The following RASGRP3 variants were observed in gnomAD, a reference collection of about 807,000 sequenced individuals.
The protein encoded by RASGRP3 is RAS guanyl releasing protein 3.
A neutral mutation model predicts 82.7 loss-of-function variants in RASGRP3; 54 were observed. That is an observed-to-expected ratio of 0.65 (90% CI 0.52 to 0.82). The LOEUF (loss-of-function observed/expected upper bound fraction) is 0.82, where lower values mean the gene tolerates loss of function less well. RASGRP3 is among the 40% of genes least tolerant of loss of function. The pLI is 0.00. For synonymous variants in RASGRP3, 309 were observed against 300.5 expected (o/e 1.03, Z -0.29); for missense variants, 861 against 828.9 (o/e 1.04, Z -0.48).
In RASGRP3 at chr2:33,518,814, G is replaced by C. The variant is rs540658982; in HGVS notation, c.174-1138G>C. Among the ~76,000 whole-genome samples, 16 of 152,002 alleles carry C rather than the reference G, an allele frequency of 1.1e-4. No individual in the cohort carries two copies. The South Asian group carries it at 3.3e-3, about 32-fold the overall frequency. ...CAGGCTCAGGATCATCAATATCACTGTCTTCCACCTCTATCTCTTGTTCCC... is the reference window on the plus strand; with the variant it reads ...CAGGCTCAGGATCATCAATATCACTCTCTTCCACCTCTATCTCTTGTTCCC... On this transcript the variant is annotated intron_variant, in intron 4 of 17. Transcript: ENST00000403687.
rs776614427 is a variant in RASGRP3 at position 33,562,257 on chromosome 2, A to ATC, written c.2065-462_2065-461dup. 3.5e-3 allele frequency among the ~76,000 whole-genome samples: 500 copies of ATC among 142,230 alleles called. 3 individuals are homozygous for ATC. Among genetic ancestry groups the ATC allele is most frequent in the Non-Finnish European group, 5.4e-3 (358 of 66,194 alleles). The allele number at this position is 142,230 out of a possible 152,430, so 93.3% of individuals were successfully genotyped here. On this transcript the variant is annotated intron_variant, in intron 17 of 17. Transcript: ENST00000403687. Reference sequence around the variant, plus strand: ...GTTCATATGCTGGGTGAACTACATGATCTCTCTCTCTTTTTTTTTTTTTTT... The same window carrying ATC: ...GTTCATATGCTGGGTGAACTACATGATCTCTCTCTCTCTTTTTTTTTTTTTTT...
intron 1 of RASGRP3, among the ~76,000 whole-genome samples, chr2:33,501,782 G>C (rs1315038327): frequency 1.3e-5 from 2 of 152,210 alleles, no homozygotes; most frequent in African/African-American, 4.8e-5. Flanking sequence ...CAGTAGGAAA[G>C]GAGTCTGCAG....
chr2:33,438,986 C>A (rs780416407), intron 1 of RASGRP3, among the ~76,000 whole-genome samples: 1 of 152,100 alleles, frequency 6.6e-6, no homozygotes, highest in Non-Finnish European at 1.5e-5. Flanking sequence ...CTTCTTCAGA[C>A]TGGAAACTAC....
At position 33,489,531 on chromosome 2, in the gene RASGRP3, T is replaced by G. The variant is rs146985531; in HGVS notation, c.-261+12824T>G. Among the ~76,000 whole-genome samples, 49 of 152,288 alleles carry G rather than the reference T, an allele frequency of 3.2e-4. 2 individuals are homozygous for G. The East Asian group carries it at 9.4e-3, about 29-fold the overall frequency. ...AGTCAGCAGAAAATATTCAAAGCAA[T>G]GAGGGACACATTGTTGTTTCTTTTG... On this transcript the variant is annotated intron_variant, in intron 1 of 17. Transcript: ENST00000403687.
rs184642312 is a variant in RASGRP3 at position 33,461,036 on chromosome 2, C to T, written c.-261+13093C>T. Reference sequence around the variant, plus strand: ...CCTCTGCATTGATTTCTCACTGCCACGCGTTTATTTCCATCAACCAAGAAG... The same window carrying T: ...CCTCTGCATTGATTTCTCACTGCCATGCGTTTATTTCCATCAACCAAGAAG... On this transcript the variant is annotated intron_variant, in intron 2 of 18. Transcript: ENST00000402538. 1.5e-3 allele frequency among the ~76,000 whole-genome samples: 231 copies of T among 152,294 alleles called. 1 individual carries two copies. The highest frequency in any genetic ancestry group is 4.3e-3 in the African/African-American group (180 of 41,572).
intron 3 of RASGRP3, among the ~76,000 whole-genome samples, chr2:33,516,281 G>A (rs1009669994): frequency 2.6e-5 from 4 of 152,148 alleles, no homozygotes; most frequent in Admixed American, 6.5e-5. Context: ...GGTGGCAGGC[G>A]CCTGTAGTCC....
intron 10 of RASGRP3, 23 bp downstream of exon 10, chr2:33,527,435 T>G: frequency 1.9e-6 from 3 of 1,594,514 alleles, no homozygotes; most frequent in African/African-American, 1.3e-5. Context: ...GAGCCAAGTT[T>G]GGGCTCAATA....
intron 2 of RASGRP3, among the ~76,000 whole-genome samples, chr2:33,448,827 T>C (rs1184590790): frequency 1.3e-5 from 2 of 152,176 alleles, no homozygotes; most frequent in Admixed American, 6.5e-5. Flanking sequence ...ATGTTATATA[T>C]ATTTATTACA....
intron 7 of RASGRP3, 116 bp downstream of exon 7, chr2:33,522,218 G>A (rs2305573): frequency 0.78 from 937,463 of 1,199,902 alleles, 367,002 homozygotes; most frequent in African/African-American, 0.93. Context: ...CTCTGCTGGA[G>A]AAGTGCCCTT....
At chr2:33,549,989 T>C (rs1675210340) in intron 14 of RASGRP3, among the ~76,000 whole-genome samples, 1 of 152,192 alleles carries the variant, frequency 6.6e-6, no homozygotes, top group Non-Finnish European at 1.5e-5. Flanking sequence ...GAGAGTGGTT[T>C]TGTTTATTAC....
At chr2:33,543,024 A>AT (rs1674415517) in intron 12 of RASGRP3, among the ~76,000 whole-genome samples, 3 of 151,812 alleles carry the variant, frequency 2.0e-5, no homozygotes, top group Non-Finnish European at 4.4e-5. Context: ...TTTAAAATTT[A>AT]TTTTTTAGAG....
chr2:33,519,175 A>G (rs1303765048), intron 4 of RASGRP3, among the ~76,000 whole-genome samples: 1 of 152,162 alleles, frequency 6.6e-6, no homozygotes, highest in Non-Finnish European at 1.5e-5. Context: ...GCTGGCTACC[A>G]TGTCACCAGG....
chr2:33,491,144 C>T (rs925257480), intron 1 of RASGRP3, among the ~76,000 whole-genome samples: 12 of 142,074 alleles, frequency 8.4e-5, no homozygotes, highest in African/African-American at 2.7e-4. Flanking sequence ...AGGGAAACCT[C>T]GTCTCTACTA....
chr2:33,520,504 T>A (rs1294286203), intron 5 of RASGRP3, 49 bp from the exon 6 acceptor site: 1 of 1,608,152 alleles, frequency 6.2e-7, no homozygotes, highest in Admixed American at 1.7e-5. Flanking sequence ...TTTCCATAGA[T>A]AACCAACTTG....
At chr2:33,538,684 T>C (rs1282996780) in intron 11 of RASGRP3, among the ~76,000 whole-genome samples, 1 of 152,170 alleles carries the variant, frequency 6.6e-6, no homozygotes, top group Non-Finnish European at 1.5e-5. Context: ...ATTATGAATA[T>C]ACAAAACTTA....
chr2:33,543,460 G>A (rs1674456840), intron 12 of RASGRP3, 52 bp from the exon 13 acceptor site: 3 of 1,195,606 alleles, frequency 2.5e-6, no homozygotes, highest in Non-Finnish European at 3.6e-6. Context: ...GCAATAACAA[G>A]TTCAGAGCCT....
intron 1 of RASGRP3, among the ~76,000 whole-genome samples, chr2:33,510,706 T>A (rs980915795): frequency 6.6e-6 from 1 of 152,198 alleles, no homozygotes; most frequent in Non-Finnish European, 1.5e-5. Context: ...CGTGATGGAT[T>A]CACTTTATGT....
chr2:33,525,716 A>AAAC (rs1672487881), intron 9 of RASGRP3, among the ~76,000 whole-genome samples: 1 of 149,352 alleles, frequency 6.7e-6, no homozygotes, highest in Non-Finnish European at 1.5e-5. Flanking sequence ...AAAAAAAAAA[A>AAAC]AAAAAAAAAA....
In RASGRP3 at chr2:33,558,781, A is replaced by G; in HGVS notation, c.1815A>G (p.Leu605=). Residue 605 remains leucine, a synonymous_variant, in exon 17 of 18, where the codon CTA becomes CTG. Transcript: ENST00000403687. ...CTTCTCGCAAGATCTCTGTGAGGCT[A>G]CAGAGGGCCACCACCAGCCAGGCCA... The part of the protein sequence containing the change: ...TGSSRKISVR[L]QRATTSQATQ... 6.2e-7 allele frequency: 1 copy of G among 1,613,972 alleles called. No individual in the cohort carries two copies. Among genetic ancestry groups the G allele is most frequent in the South Asian group, 1.1e-5 (1 of 91,074 alleles).
Sources: gnomAD v4.1 joint callset for allele counts (sites outside exome capture counted in the v4.1 genomes callset) on GRCh38, gnomAD v4.1.1 for gene constraint, MANE v1.5 for transcripts, NCBI Gene and HGNC (gene_info 2026-07-23, HGNC 2026-07-21) for gene names.